CPAP: variants seen among roughly 807,000 people sequenced by gnomAD.
CPAP encodes centrosome assembly and centriole elongation protein.
the CPAP span, among the ~76,000 whole-genome samples, chr13:24,895,722 T>TCC: frequency 6.6e-6 from 1 of 152,154 alleles, no homozygotes; most frequent in African/African-American, 2.4e-5. Context: ...TTAAAGGGGC[T>TCC]CCCCCACTGG....
the CPAP span, chr13:24,883,061 TTAGA>T: frequency 1.1e-6 from 1 of 946,360 alleles, no homozygotes; most frequent in Non-Finnish European, 1.7e-6. Context: ...AACTTTTATT[TTAGA>T]ATCTAATCTT....
chr13:24,914,553 G>T, the CPAP span, among the ~76,000 whole-genome samples: 1 of 152,120 alleles, frequency 6.6e-6, no homozygotes, highest in African/African-American at 2.4e-5. Flanking sequence ...ACATCTGTTT[G>T]TATGGAGCCC....
At chr13:24,884,211 G>A in the CPAP span, 402 of 1,614,186 alleles carry the variant, frequency 2.5e-4, no homozygotes, top group Non-Finnish European at 2.9e-4. Flanking sequence ...CGGGTATGTC[G>A]TGTGAGTGGT....
the CPAP span, chr13:24,933,161 G>T: frequency 1.3e-6 from 2 of 1,501,738 alleles, no homozygotes; most frequent in Non-Finnish European, 1.9e-6. Flanking sequence ...ATAAACTACA[G>T]TGTGATAAAA....
chr13:24,897,208 C>T, the CPAP span, among the ~76,000 whole-genome samples: 1 of 152,116 alleles, frequency 6.6e-6, no homozygotes, highest in Non-Finnish European at 1.5e-5. Flanking sequence ...AGCCCCTGCA[C>T]TCCAGTCTGG....
the CPAP span, among the ~76,000 whole-genome samples, chr13:24,913,747 C>T: frequency 6.6e-6 from 1 of 152,242 alleles, no homozygotes; most frequent in African/African-American, 2.4e-5. Context: ...CTGCCAAGCA[C>T]CATGTCTGGC....
chr13:24,883,273 G>A, the CPAP span: 8 of 1,613,640 alleles, frequency 5.0e-6, no homozygotes, highest in Admixed American at 1.7e-5. Flanking sequence ...TTGCATATAC[G>A]GTTTTAACAG....
chr13:24,912,505 C>T, the CPAP span: 1 of 1,263,882 alleles, frequency 7.9e-7, no homozygotes, highest in Non-Finnish European at 1.1e-6. Flanking sequence ...AACAAGAAGA[C>T]CTAGAACAAA....
At chr13:24,882,778 G>T in the CPAP span, 2 of 190,458 alleles carry the variant, frequency 1.1e-5, no homozygotes, top group Admixed American at 1.1e-4. Context: ...ACAGAGACAC[G>T]TGTTTACTCC....
the CPAP span, among the ~76,000 whole-genome samples, chr13:24,927,607 G>A: frequency 2.6e-5 from 4 of 152,100 alleles, no homozygotes; most frequent in Admixed American, 6.5e-5. Flanking sequence ...AAAAATTTAC[G>A]TTTACAATAC....
At chr13:24,908,626 C>T in the CPAP span, among the ~76,000 whole-genome samples, 1 of 151,860 alleles carries the variant, frequency 6.6e-6, no homozygotes, top group Admixed American at 6.6e-5. Context: ...AGACACTTGA[C>T]ATTCTTCAAA....
chr13:24,915,630 C>G, the CPAP span, among the ~76,000 whole-genome samples: 4 of 152,086 alleles, frequency 2.6e-5, no homozygotes, highest in Non-Finnish European at 5.9e-5. Context: ...ATGGTGAAAC[C>G]CCATCTCTAC....
At chr13:24,894,713 AGAAGGC>A in the CPAP span, among the ~76,000 whole-genome samples, 5 of 152,054 alleles carry the variant, frequency 3.3e-5, no homozygotes, top group African/African-American at 1.2e-4. Context: ...CGGAGGAGAC[AGAAGGC>A]GGAGGCGGAG....
the CPAP span, among the ~76,000 whole-genome samples, chr13:24,915,221 T>C: frequency 1.3e-5 from 2 of 152,194 alleles, no homozygotes; most frequent in South Asian, 4.1e-4. Flanking sequence ...TTTCTTAAAA[T>C]TTCCTGGCTG....
chr13:24,885,639 A>G, the CPAP span: 19 of 1,613,204 alleles, frequency 1.2e-5, no homozygotes, highest in African/African-American at 2.5e-4. Flanking sequence ...AATCACGAGG[A>G]GGTGCAGACT....
chr13:24,912,276 C>T, the CPAP span, among the ~76,000 whole-genome samples: 30 of 152,188 alleles, frequency 2.0e-4, no homozygotes, highest in African/African-American at 7.0e-4. Flanking sequence ...AACTAAGAAA[C>T]CGAAACAGTC....
chr13:24,885,610 C>T, the CPAP span: 1 of 1,605,596 alleles, frequency 6.2e-7, no homozygotes. Context: ...ATTTACTTGT[C>T]CCTTATCCAA....
At chr13:24,906,950 CCTT>C in the CPAP span, 1 of 1,613,266 alleles carries the variant, frequency 6.2e-7, no homozygotes, top group East Asian at 2.2e-5. Context: ...TGGCAATGGT[CCTT>C]CTGCTTCCTA....
chr13:24,920,159 GT>G, the CPAP span, among the ~76,000 whole-genome samples: 1 of 152,286 alleles, frequency 6.6e-6, no homozygotes. Flanking sequence ...AGAGACTGCT[GT>G]TTCCCTCGCT....
Sources: gnomAD v4.1 joint callset for allele counts (sites outside exome capture counted in the v4.1 genomes callset) on GRCh38, gnomAD v4.1.1 for gene constraint, MANE v1.5 for transcripts, NCBI Gene and HGNC (gene_info 2026-07-23, HGNC 2026-07-21) for gene names.